TLE4: variants seen among roughly 807,000 people sequenced by gnomAD.
TLE4 encodes the protein TLE family member 4, transcriptional corepressor, also known as transducin-like enhancer protein 4.
In TLE4, 8 loss-of-function variants were observed where a neutral mutation model predicts 92.8. The ratio of observed to expected loss-of-function variants is 0.09; its 90% CI spans 0.05 to 0.16. The LOEUF is 0.16. Ranked by LOEUF, TLE4 falls within the 10% of genes least tolerant of loss-of-function variation. The pLI is 1.00. For missense variants in TLE4, 675 were observed against 997.6 expected, an observed-to-expected ratio of 0.68 and a Z score of 4.36; for synonymous variants, 371 against 374.1, an observed-to-expected ratio of 0.99 and a Z score of 0.10.
intron 4 of TLE4, among the ~76,000 whole-genome samples, chr9:79,594,562 G>T (rs903235459): frequency 2.7e-5 from 4 of 150,696 alleles, no homozygotes; most frequent in Non-Finnish European, 4.4e-5. Flanking sequence ...TCCTCATATT[G>T]AAGTCATTTT....
At chr9:79,655,234 T>C (rs990879224) in intron 8 of TLE4, among the ~76,000 whole-genome samples, 1 of 152,246 alleles carries the variant, frequency 6.6e-6, no homozygotes. Flanking sequence ...ACTTATTGGT[T>C]AGAAGGAAAG....
At chr9:79,650,205 T>A (rs942184662) in intron 6 of TLE4, among the ~76,000 whole-genome samples, 2 of 152,274 alleles carry the variant, frequency 1.3e-5, no homozygotes, top group African/African-American at 4.8e-5. Flanking sequence ...CGTGAGCCAC[T>A]GCGCCAGGCT....
At chr9:79,669,730 C>T (rs891422809) in intron 8 of TLE4, among the ~76,000 whole-genome samples, 1 of 151,916 alleles carries the variant, frequency 6.6e-6, no homozygotes, top group African/African-American at 2.4e-5. Context: ...TGTTCCAGTA[C>T]TTCATGTGAC....
chr9:79,704,593 G>T, intron 8 of TLE4, 190 bp from the exon 9 acceptor site: 5 of 623,284 alleles, frequency 8.0e-6, no homozygotes, highest in Admixed American at 3.2e-5. Context: ...CTTGTCTTTT[G>T]CTACTTGTCT....
At chr9:79,599,001 G>A (rs1429618528) in intron 4 of TLE4, among the ~76,000 whole-genome samples, 1 of 152,076 alleles carries the variant, frequency 6.6e-6, no homozygotes, top group Non-Finnish European at 1.5e-5. Context: ...TTCCTATTCT[G>A]AAATTATCTT....
intron 19 of TLE4, among the ~76,000 whole-genome samples, chr9:79,724,322 G>T (rs999251848): frequency 1.3e-5 from 2 of 151,998 alleles, no homozygotes; most frequent in African/African-American, 4.8e-5. Flanking sequence ...GACCTGTGCC[G>T]TGTTCCACAG....
intron 8 of TLE4, among the ~76,000 whole-genome samples, chr9:79,672,185 C>T (rs531699799): frequency 6.6e-6 from 1 of 151,638 alleles, no homozygotes; most frequent in Non-Finnish European, 1.5e-5. Flanking sequence ...ACCAACAGGG[C>T]TCTAGCAGAT....
chr9:79,671,173 C>T (rs2062263552), intron 8 of TLE4: 1 of 444,544 alleles, frequency 2.2e-6, no homozygotes, highest in Non-Finnish European at 4.6e-6. Context: ...GATAGTTCAA[C>T]CTTGGCTGAG....
chr9:79,721,824 A>G lies in TLE4; in HGVS notation c.1922A>G (p.Asn641Ser). The G allele has an allele frequency of 1.2e-6, 2 of 1,614,214 alleles. No homozygotes were observed. The highest frequency in any genetic ancestry group is 1.7e-6 in the Non-Finnish European group (2 of 1,180,042). Reference protein sequence around the residue: ...GTKLWTGGLDNTVRSWDLREG... With the variant: ...GTKLWTGGLDSTVRSWDLREG... ...AAGCTCTGGACAGGTGGTTTGGACAACACGGTCAGGTCCTGGGACCTGCGC... is the reference window on the plus strand; with the variant it reads ...AAGCTCTGGACAGGTGGTTTGGACAGCACGGTCAGGTCCTGGGACCTGCGC... The change falls in exon 17 of 20, where the codon AAC becomes AGC. Residue 641 changes from asparagine (N) to serine (S), a missense_variant. By Grantham distance (46) the Asn-to-Ser change is conservative. This residue lies in a region of TLE4 where 170 missense variants were observed against 359.6 expected (regional missense o/e 0.47). Coordinates refer to ENST00000376552, the MANE Select transcript of TLE4 (RefSeq NM_007005.6).
chr9:79,675,828 G>A (rs935713450), intron 8 of TLE4, among the ~76,000 whole-genome samples: 11 of 152,136 alleles, frequency 7.2e-5, no homozygotes, highest in Non-Finnish European at 1.3e-4. Context: ...AAATGCTTGG[G>A]ACTAGAAGTG....
chr9:79,704,269 G>A (rs980668841), intron 8 of TLE4, among the ~76,000 whole-genome samples: 1 of 152,006 alleles, frequency 6.6e-6, no homozygotes, highest in Non-Finnish European at 1.5e-5. Context: ...ACGCCACCAT[G>A]CCCAGCTAAT....
chr9:79,699,895 A>G (rs905831064), intron 8 of TLE4, among the ~76,000 whole-genome samples: 1 of 152,236 alleles, frequency 6.6e-6, no homozygotes, highest in African/African-American at 2.4e-5. Context: ...GAATAGTAGC[A>G]TATTAAAACC....
chr9:79,719,056 C>A, intron 15 of TLE4, 85 bp downstream of exon 15: 1 of 1,522,610 alleles, frequency 6.6e-7, no homozygotes, highest in South Asian at 1.3e-5. Context: ...ATGAGCAACA[C>A]CACACAGTAT....
At chr9:79,708,927 G>A in intron 13 of TLE4, 141 bp downstream of exon 13, 1 of 1,017,310 alleles carries the variant, frequency 9.8e-7, no homozygotes. Flanking sequence ...TGCCTCCTGG[G>A]CTTAAGCGAT....
chr9:79,614,599 T>C (rs1037201787), intron 5 of TLE4, among the ~76,000 whole-genome samples: 1 of 152,178 alleles, frequency 6.6e-6, no homozygotes, highest in African/African-American at 2.4e-5. Context: ...GGTGTCATAC[T>C]TAACTGTTGT....
At chr9:79,573,234 C>T (rs2036412640) in intron 1 of TLE4, 1 of 1,015,988 alleles carries the variant, frequency 9.8e-7, no homozygotes, top group Non-Finnish European at 1.2e-6. Flanking sequence ...GGCGCCGGCC[C>T]CTCGCGCCGC....
intron 6 of TLE4, among the ~76,000 whole-genome samples, chr9:79,631,911 T>G (rs986875702): frequency 4.6e-5 from 7 of 152,250 alleles, no homozygotes; most frequent in Admixed American, 4.6e-4. Context: ...ACATTGCAAG[T>G]GTAGGAAATA....
intron 14 of TLE4, chr9:79,717,884 C>G (rs2074863124): frequency 4.7e-6 from 2 of 429,874 alleles, no homozygotes; most frequent in African/African-American, 4.0e-5. Flanking sequence ...TCTTCTGCTT[C>G]CAGAAACCTA....
At chr9:79,666,458 C>G (rs764881179) in intron 8 of TLE4, among the ~76,000 whole-genome samples, 1 of 152,106 alleles carries the variant, frequency 6.6e-6, no homozygotes, top group East Asian at 1.9e-4. Flanking sequence ...AGGCTGGTTT[C>G]GAACTTCTGA....
Sources: allele counts gnomAD v4.1 joint callset (sites outside exome capture counted in the v4.1 genomes callset), GRCh38; gene constraint gnomAD v4.1.1; regional missense constraint gnomAD v4.1.1; transcripts MANE v1.5; gene names NCBI Gene and HGNC (gene_info 2026-07-23, HGNC 2026-07-21).